Variants in PCLO observed in about 807,000 individuals in gnomAD.
PCLO encodes protein piccolo.
A neutral mutation model predicts 427.5 loss-of-function variants in PCLO; 82 were observed. The observed-to-expected ratio is 0.19, with a 90% CI of 0.16 to 0.23. The LOEUF (loss-of-function observed/expected upper bound fraction) is 0.23. Among genes scored for constraint, PCLO ranks in the 10% least tolerant of loss-of-function variants. The pLI, the probability that PCLO is intolerant of heterozygous loss-of-function variation, is 1.00. For missense variants in PCLO, 6,239 were observed against 6,115.9 expected (o/e 1.02, Z -0.67); for synonymous variants, 2,357 against 2,155.4 (o/e 1.09, Z -2.59).
chr7:83,156,783 C>T lies in PCLO; in HGVS notation c.249-391G>A, dbSNP rs1045310742. Among the ~76,000 whole-genome samples the T allele has an allele frequency of 1.3e-5, 2 of 152,018 alleles. 1 individual carries two copies. Among genetic ancestry groups the T allele is most frequent in the Admixed American group, 1.3e-4 (2 of 15,272 alleles). ...ATACAGAGTCATATTATAAGGCATA[C>T]ATGTTCACAGAGTGTATTTTTTTCT... On this transcript the variant is annotated intron_variant, in intron 1 of 24. Transcript: ENST00000333891.
At chr7:83,101,436 C>T (rs1177433105) in intron 3 of PCLO, among the ~76,000 whole-genome samples, 1 of 151,940 alleles carries the variant, frequency 6.6e-6, no homozygotes. Context: ...CCTACTAATT[C>T]TACATAGTTG....
intron 22 of PCLO, among the ~76,000 whole-genome samples, chr7:82,781,192 A>G (rs1281288425): frequency 2.1e-5 from 3 of 139,636 alleles, no homozygotes; most frequent in Non-Finnish European, 5.0e-5. Context: ...CATTTCAGGT[A>G]AGGTAAAAAG....
intron 10 of PCLO, among the ~76,000 whole-genome samples, chr7:82,872,532 TG>T (rs1177845793): frequency 2.0e-5 from 3 of 151,502 alleles, no homozygotes; most frequent in Non-Finnish European, 4.4e-5. Flanking sequence ...GAGAGAAATT[TG>T]GAAAAAAAAA....
intron 3 of PCLO, among the ~76,000 whole-genome samples, chr7:83,122,286 C>CTTTTTTTTTTTTTTTT (rs71074624): frequency 5.5e-5 from 7 of 128,296 alleles, no homozygotes; most frequent in South Asian, 2.4e-4. Flanking sequence ...CTTTTCTTTT[C>CTTTTTTTTTTTTTTTT]TTTTTTTTTT....
At chr7:83,069,696 C>T (rs1014624021) in intron 3 of PCLO, among the ~76,000 whole-genome samples, 41 of 151,732 alleles carry the variant, frequency 2.7e-4, no homozygotes, top group African/African-American at 9.2e-4. Flanking sequence ...TAATAAATAT[C>T]TCAATATATA....
At chr7:83,081,019 T>A (rs1790086181) in intron 3 of PCLO, among the ~76,000 whole-genome samples, 2 of 151,980 alleles carry the variant, frequency 1.3e-5, no homozygotes, top group Admixed American at 1.3e-4. Flanking sequence ...TCACCTATTT[T>A]TGAACCACGG....
At chr7:82,882,682 TG>T (rs1442175980) in intron 9 of PCLO, among the ~76,000 whole-genome samples, 1 of 152,112 alleles carries the variant, frequency 6.6e-6, no homozygotes, top group African/African-American at 2.4e-5. Context: ...ATGATAAAAG[TG>T]GCAAAACCAT....
At chr7:82,968,744 C>A (rs1415403678) in intron 3 of PCLO, among the ~76,000 whole-genome samples, 3 of 152,146 alleles carry the variant, frequency 2.0e-5, no homozygotes, top group African/African-American at 7.2e-5. Context: ...TGGTCTAGAT[C>A]TCCTGACCTT....
At chr7:83,131,182 G>T (rs982686783) in intron 3 of PCLO, among the ~76,000 whole-genome samples, 3 of 152,082 alleles carry the variant, frequency 2.0e-5, no homozygotes, top group African/African-American at 2.4e-5. Context: ...TTCTGACTTG[G>T]CAGAAATTAA....
At chr7:82,863,171 G>A (rs891185510) in intron 10 of PCLO, among the ~76,000 whole-genome samples, 8 of 151,888 alleles carry the variant, frequency 5.3e-5, no homozygotes, top group African/African-American at 1.7e-4. Flanking sequence ...GTTATACTTT[G>A]CTTACTTTGC....
In PCLO at chr7:83,155,200, G is replaced by A. The variant is rs865971917; in HGVS notation, c.1441C>T (p.Pro481Ser). 8.7e-6 allele frequency: 14 copies of A among 1,609,490 alleles called. No individual in the cohort carries two copies. The highest frequency in any genetic ancestry group is 1.2e-5 in the Non-Finnish European group (14 of 1,179,226). Residue 481 changes from proline to serine, a missense_variant, in exon 2 of 25, where the codon CCT becomes TCT. Coordinates refer to ENST00000333891, the MANE Select transcript of PCLO (RefSeq NM_033026.6). ...SQLPGPAKPPPQQPGPAKPPP... is the reference protein window; with the variant it reads ...SQLPGPAKPPSQQPGPAKPPP... ...GGCTTTGCTGGGCCAGGCTGTTGAG[G>A]TGGGGGCTTTGCTGGGCCAGGCAGT...
chr7:82,802,932 T>C (rs1046341724), intron 21 of PCLO, among the ~76,000 whole-genome samples: 3 of 152,106 alleles, frequency 2.0e-5, no homozygotes, highest in African/African-American at 7.2e-5. Flanking sequence ...ATTATAATAA[T>C]TCTAGGTTAA....
chr7:82,986,176 A>C (rs1395475602), intron 3 of PCLO, among the ~76,000 whole-genome samples: 1 of 151,964 alleles, frequency 6.6e-6, no homozygotes, highest in East Asian at 1.9e-4. Context: ...TAATCATTAC[A>C]AAAGGATCAC....
intron 10 of PCLO, 39 bp downstream of exon 10, chr7:82,879,298 G>T (rs1242416725): frequency 6.6e-7 from 1 of 1,524,262 alleles, no homozygotes; most frequent in Non-Finnish European, 9.0e-7. Flanking sequence ...TAATATGAGT[G>T]CATTCATTTT....
At chr7:82,875,400 T>C (rs1400780291) in intron 10 of PCLO, among the ~76,000 whole-genome samples, 2 of 152,112 alleles carry the variant, frequency 1.3e-5, no homozygotes, top group Non-Finnish European at 2.9e-5. Flanking sequence ...TCCTACATTA[T>C]GTAACAAGGT....
intron 3 of PCLO, 68 bp downstream of exon 3, chr7:83,134,182 G>A: frequency 2.1e-6 from 1 of 469,120 alleles, no homozygotes; most frequent in Non-Finnish European, 3.2e-6. Flanking sequence ...CCACCCAAAT[G>A]TTTCAAAATA....
At chr7:82,945,881 A>C (rs1380636583) in intron 6 of PCLO, among the ~76,000 whole-genome samples, 1 of 152,244 alleles carries the variant, frequency 6.6e-6, no homozygotes, top group East Asian at 1.9e-4. Flanking sequence ...ATTTAAAAAA[A>C]TCAAGCATGA....
intron 21 of PCLO, 69 bp from the exon 22 acceptor site, chr7:82,801,660 CA>C (rs1384251835): frequency 1.1e-6 from 1 of 933,500 alleles, no homozygotes; most frequent in African/African-American, 1.7e-5. Context: ...GCTAAATTTG[CA>C]TAAATAAAAT....
At chr7:82,920,888 A>T (rs1794579669) in intron 6 of PCLO, among the ~76,000 whole-genome samples, 2 of 151,816 alleles carry the variant, frequency 1.3e-5, no homozygotes, top group Non-Finnish European at 2.9e-5. Context: ...CTAAAAATAC[A>T]CAGGGGCTAT....
Sources: allele counts gnomAD v4.1 joint callset (sites outside exome capture counted in the v4.1 genomes callset), GRCh38; gene constraint gnomAD v4.1.1; transcripts MANE v1.5; gene names NCBI Gene and HGNC (gene_info 2026-07-23, HGNC 2026-07-21).